Variants in NCAM2 observed in about 807,000 individuals in gnomAD.
NCAM2 encodes the protein neural cell adhesion molecule 2.
Under a neutral mutation model 98.1 loss-of-function variants are expected in NCAM2, and 30 were observed. That is an observed-to-expected ratio of 0.31 (90% confidence interval 0.23 to 0.41). NCAM2 has a LOEUF of 0.41. NCAM2 is among the 10% of genes least tolerant of loss of function. The probability of loss-of-function intolerance (pLI) is 1.00; values close to 1 mark genes in which losing one functional copy is unlikely to be tolerated. For synonymous variants in NCAM2, 368 were observed against 342.4 expected (o/e 1.07, Z -0.83); for missense variants, 867 against 1,005.8 (o/e 0.86, Z 1.87).
intron 1 of NCAM2, among the ~76,000 whole-genome samples, chr21:21,094,842 T>C (rs1455343057): frequency 6.6e-6 from 1 of 151,732 alleles, no homozygotes; most frequent in African/African-American, 2.4e-5. Context: ...AATTAAACAT[T>C]TCTAATTGAA....
At position 21,541,706 on chromosome 21, in the gene NCAM2, T is replaced by C. The variant is rs1348840613; in HGVS notation, c.*3749T>C. On this transcript the variant is annotated 3_prime_UTR_variant, in exon 18 of 18. Coordinates refer to ENST00000400546, the MANE Select transcript of NCAM2 (RefSeq NM_004540.5). The stretch of plus-strand genomic sequence containing the variant: ...TACAGTTCAAGAAGTAGAAATAATA[T>C]TTTCCATTAGTTAATTTAGGAAATA... The C allele has an allele frequency of 2.6e-5, 4 of 151,778 alleles. No individual in the cohort carries two copies. Among genetic ancestry groups the C allele is most frequent in the African/African-American group, 9.7e-5 (4 of 41,408 alleles). The allele number at this position is 151,778 out of a possible 1,614,324, so 9.4% of individuals were successfully genotyped here.
At chr21:21,293,780 T>C (rs1008661121) in intron 5 of NCAM2, among the ~76,000 whole-genome samples, 15 of 151,784 alleles carry the variant, frequency 9.9e-5, no homozygotes, top group African/African-American at 3.6e-4. Context: ...TACCATACTT[T>C]GTATCCAAAA....
Position 21,080,006 on chromosome 21 carries a change from A to G in NCAM2, c.55+81388A>G, listed in dbSNP as rs1031864405. ...TACTAATGAACAAAATAATGCCTAT[A>G]GTTAACAATAGTGTATTATGAACTT... On this transcript the variant is annotated intron_variant, in intron 1 of 17. Transcript: ENST00000400546. Among the ~76,000 whole-genome samples, 10 of 152,190 alleles carry G rather than the reference A, an allele frequency of 6.6e-5. 1 individual carries two copies. The highest frequency in any genetic ancestry group is 5.9e-4 in the Admixed American group (9 of 15,274).
rs544655725 is a variant in NCAM2 at position 21,172,301 on chromosome 21, A to T, written c.56-108277A>T. On this transcript the variant is annotated intron_variant, in intron 1 of 17. Transcript: ENST00000400546. ...TACCACCCTTATTTAAGAATATTAT[A>T]ATATTTGTAAGATTTTACAAACCTT... Among the ~76,000 whole-genome samples the T allele has an allele frequency of 3.9e-4, 59 of 152,250 alleles. No individual in the cohort carries two copies. In the South Asian group the frequency reaches 0.012, roughly 32 times the overall value.
At chr21:21,325,500 G>C (rs2074488890) in intron 6 of NCAM2, among the ~76,000 whole-genome samples, 1 of 152,128 alleles carries the variant, frequency 6.6e-6, no homozygotes, top group Admixed American at 6.6e-5. Context: ...GTGTTTTGAT[G>C]TTCTTTTCAG....
intron 1 of NCAM2, among the ~76,000 whole-genome samples, chr21:21,214,703 G>T (rs1279265648): frequency 1.4e-5 from 1 of 72,502 alleles, no homozygotes; most frequent in Non-Finnish European, 3.0e-5. Flanking sequence ...GGTATCAGGG[G>T]GAGTAAATAT....
chr21:21,486,439 C>T (rs1986395556), intron 15 of NCAM2, among the ~76,000 whole-genome samples: 1 of 151,534 alleles, frequency 6.6e-6, no homozygotes, highest in South Asian at 2.1e-4. Flanking sequence ...TCACCATAAC[C>T]AATATTCCGT....
At chr21:21,191,424 T>G (rs1569129646) in intron 1 of NCAM2, among the ~76,000 whole-genome samples, 1 of 152,208 alleles carries the variant, frequency 6.6e-6, no homozygotes, top group Non-Finnish European at 1.5e-5. Flanking sequence ...ATTAAAATTT[T>G]TATAATTATA....
At chr21:21,390,174 C>T (rs1003204442) in intron 9 of NCAM2, among the ~76,000 whole-genome samples, 4 of 151,976 alleles carry the variant, frequency 2.6e-5, no homozygotes, top group East Asian at 1.9e-4. Context: ...ATATTGACTA[C>T]GTGTTGAAAT....
intron 16 of NCAM2, among the ~76,000 whole-genome samples, chr21:21,511,269 C>A (rs1282668798): frequency 2.0e-5 from 3 of 151,844 alleles, no homozygotes; most frequent in Non-Finnish European, 4.4e-5. Flanking sequence ...CTTAATCCCC[C>A]ATTCCCCCTT....
intron 1 of NCAM2, among the ~76,000 whole-genome samples, chr21:21,265,141 A>ATAC (rs2072165085): frequency 4.2e-5 from 5 of 119,676 alleles, no homozygotes; most frequent in African/African-American, 1.6e-4. Flanking sequence ...ATACATATAT[A>ATAC]ATATATATAC....
chr21:21,398,303 G>T (rs1014638658), intron 9 of NCAM2, among the ~76,000 whole-genome samples: 1 of 152,142 alleles, frequency 6.6e-6, no homozygotes, highest in Non-Finnish European at 1.5e-5. Flanking sequence ...ATTAGACACT[G>T]AGTACAGTGT....
intron 1 of NCAM2, among the ~76,000 whole-genome samples, chr21:21,146,762 G>C (rs1165723298): frequency 6.6e-6 from 1 of 151,984 alleles, no homozygotes; most frequent in Non-Finnish European, 1.5e-5. Flanking sequence ...ATTTTCCTTG[G>C]ATAACACCAA....
intron 11 of NCAM2, among the ~76,000 whole-genome samples, chr21:21,420,642 G>A (rs755907380): frequency 4.6e-5 from 7 of 151,582 alleles, no homozygotes; most frequent in South Asian, 2.1e-4. Context: ...GTCATTGATC[G>A]TAAAGGCCAA....
At chr21:21,474,922 TATC>T (rs986621687) in intron 14 of NCAM2, among the ~76,000 whole-genome samples, 2 of 151,544 alleles carry the variant, frequency 1.3e-5, no homozygotes, top group South Asian at 2.1e-4. Context: ...ACATTTAACA[TATC>T]ATCTCAAATT....
intron 15 of NCAM2, among the ~76,000 whole-genome samples, chr21:21,481,021 C>A (rs1569107309): frequency 1.3e-5 from 2 of 152,256 alleles, no homozygotes; most frequent in South Asian, 2.1e-4. Flanking sequence ...GAGAAGATAA[C>A]CATGGCTTGG....
chr21:21,298,675 T>A (rs1276098602), intron 5 of NCAM2, among the ~76,000 whole-genome samples: 1 of 151,660 alleles, frequency 6.6e-6, no homozygotes, highest in Non-Finnish European at 1.5e-5. Context: ...ACATCTTTCT[T>A]TGCTTTTCTC....
At chr21:21,065,092 A>G (rs1252598149) in intron 1 of NCAM2, among the ~76,000 whole-genome samples, 2 of 152,066 alleles carry the variant, frequency 1.3e-5, no homozygotes, top group Non-Finnish European at 2.9e-5. Flanking sequence ...AGGCAGGAGA[A>G]TCGCTTGAAC....
At chr21:21,282,573 A>G (rs1433077434) in intron 2 of NCAM2, among the ~76,000 whole-genome samples, 1 of 151,748 alleles carries the variant, frequency 6.6e-6, no homozygotes, top group African/African-American at 2.4e-5. Context: ...TTTTTCTACT[A>G]CAATGCTGAC....
Sources: gnomAD v4.1 joint callset for allele counts (sites outside exome capture counted in the v4.1 genomes callset) on GRCh38, gnomAD v4.1.1 for gene constraint, MANE v1.5 for transcripts, NCBI Gene and HGNC (gene_info 2026-07-23, HGNC 2026-07-21) for gene names.